The following UPP2 variants were observed in gnomAD, a reference collection of about 807,000 sequenced individuals.
UPP2 encodes the protein UPase 2.
Under a neutral mutation model 26.7 loss-of-function variants are expected in UPP2, and 23 were observed. The ratio of observed to expected loss-of-function variants is 0.86; its 90% CI spans 0.62 to 1.22. The LOEUF is 1.22. Ranked by LOEUF, UPP2 falls within the 50% of genes most tolerant of loss-of-function variation. The pLI is 0.00. For missense variants in UPP2, 387 were observed against 396.7 expected (o/e 0.98, Z 0.21); for synonymous variants, 127 against 141.3 (o/e 0.90, Z 0.72).
intron 2 of UPP2, among the ~76,000 whole-genome samples, chr2:158,108,663 G>C (rs1348276435): frequency 6.6e-6 from 1 of 151,878 alleles, no homozygotes; most frequent in Non-Finnish European, 1.5e-5. Flanking sequence ...ATAATCCCAG[G>C]AAACAGACCT....
At chr2:158,074,511 T>G (rs929252729) in intron 3 of UPP2, among the ~76,000 whole-genome samples, 3 of 152,146 alleles carry the variant, frequency 2.0e-5, no homozygotes, top group Non-Finnish European at 4.4e-5. Flanking sequence ...TAAGTTGACA[T>G]CACTTTAAAA....
At chr2:158,112,728 T>G (rs1210388073) in intron 2 of UPP2, among the ~76,000 whole-genome samples, 1 of 152,220 alleles carries the variant, frequency 6.6e-6, no homozygotes, top group Non-Finnish European at 1.5e-5. Flanking sequence ...GCATTTTGAA[T>G]GTATTTATAT....
chr2:158,076,971 G>A (rs982448408), intron 3 of UPP2, among the ~76,000 whole-genome samples: 3 of 152,060 alleles, frequency 2.0e-5, no homozygotes. Flanking sequence ...ATTCAGTAAA[G>A]TTGCAGGATA....
intron 2 of UPP2, among the ~76,000 whole-genome samples, chr2:158,004,743 C>CT (rs892263963): frequency 9.9e-5 from 15 of 152,134 alleles, no homozygotes; most frequent in African/African-American, 3.6e-4. Context: ...AATTTGGTAA[C>CT]TTTTTTTAAA....
rs372750747 is a variant in UPP2 at position 158,026,709 on chromosome 2, T to C, written c.147+10823T>C. 8.4e-4 allele frequency among the ~76,000 whole-genome samples: 128 copies of C among 152,280 alleles called. 5 individuals carry two copies. The South Asian group carries it at 0.02, about 24-fold the overall frequency. On this transcript the variant is annotated intron_variant, in intron 3 of 9. Transcript: ENST00000605860. ...CATGAGATGACCAGGTCATGTTTAA[T>C]ATAAAATATAACAGGCAAGCAGTCT... is the stretch of plus-strand genomic sequence containing the variant.
Position 158,114,357 on chromosome 2 carries a change from T to C in UPP2, c.181-744T>C, listed in dbSNP as rs1574300628. ...GTCCACCTCTCCCACTCCTGGTACC[T>C]GGGGCTAGGGTACCCCTAAACAGAC... On this transcript the variant is annotated intron_variant, in intron 2 of 6. Transcript: ENST00000005756. Among the ~76,000 whole-genome samples, 4 of 152,082 alleles carry C rather than the reference T, an allele frequency of 2.6e-5. No individual in the cohort carries two copies. In the South Asian group the frequency reaches 8.3e-4, roughly 31 times the overall value.
chr2:158,076,109 A>G (rs1682627136), intron 3 of UPP2, among the ~76,000 whole-genome samples: 1 of 151,924 alleles, frequency 6.6e-6, no homozygotes, highest in African/African-American at 2.4e-5. Context: ...TATACCACCT[A>G]ACAAGATTGA....
At chr2:158,025,913 C>T (rs1477295515) in intron 3 of UPP2, among the ~76,000 whole-genome samples, 2 of 152,146 alleles carry the variant, frequency 1.3e-5, no homozygotes, top group African/African-American at 2.4e-5. Flanking sequence ...GGAAAGTTGG[C>T]CTCACATCCT....
chr2:158,097,622 T>C (rs181638028), upstream of UPP2, among the ~76,000 whole-genome samples: 570 of 152,300 alleles, frequency 3.7e-3, 5 homozygotes, highest in African/African-American at 0.013. Context: ...TTTGCAAGGA[T>C]TAGGGGATGC....
chr2:158,121,275 A>C, intron 4 of UPP2, 134 bp from the exon 5 acceptor site: 1 of 801,340 alleles, frequency 1.2e-6, no homozygotes, highest in East Asian at 2.5e-5. Flanking sequence ...CATTTGGAAA[A>C]GAAAATAATT....
intron 2 of UPP2, among the ~76,000 whole-genome samples, chr2:158,014,591 G>GC (rs1228332856): frequency 6.6e-6 from 1 of 152,174 alleles, no homozygotes; most frequent in East Asian, 1.9e-4. Context: ...TTCTTTTGCT[G>GC]CGTGGCTATA....
intron 6 of UPP2, among the ~76,000 whole-genome samples, chr2:158,133,131 C>T (rs1428632771): frequency 6.6e-6 from 1 of 152,158 alleles, no homozygotes; most frequent in African/African-American, 2.4e-5. Flanking sequence ...TGTCCATCAA[C>T]AGATGAATAG....
At chr2:158,113,582 C>T (rs192648832) in intron 2 of UPP2, among the ~76,000 whole-genome samples, 11 of 152,262 alleles carry the variant, frequency 7.2e-5, no homozygotes, top group Admixed American at 7.2e-4. Context: ...GTTAATTACA[C>T]CCCTAATTGA....
At chr2:158,000,678 C>T (rs936962948) in intron 2 of UPP2, among the ~76,000 whole-genome samples, 1 of 152,202 alleles carries the variant, frequency 6.6e-6, no homozygotes, top group Non-Finnish European at 1.5e-5. Flanking sequence ...ATTTATTGGC[C>T]TGTTAGAGTC....
chr2:158,009,192 T>C (rs1014850823), intron 2 of UPP2, among the ~76,000 whole-genome samples: 7 of 152,234 alleles, frequency 4.6e-5, no homozygotes, highest in Non-Finnish European at 7.3e-5. Flanking sequence ...TGGCTAGATT[T>C]TTTCAGGAAA....
chr2:158,029,991 C>G (rs1463748982), intron 3 of UPP2, among the ~76,000 whole-genome samples: 1 of 151,928 alleles, frequency 6.6e-6, no homozygotes, highest in Non-Finnish European at 1.5e-5. Context: ...GTTTTGAAAA[C>G]ACAAAATAGC....
At chr2:158,121,749 A>C (rs1206996048) in intron 5 of UPP2, 131 bp downstream of exon 5, 1 of 807,256 alleles carries the variant, frequency 1.2e-6, no homozygotes, top group African/African-American at 1.7e-5. Flanking sequence ...GAAATGAAAC[A>C]GCCTTTTTTA....
chr2:158,047,353 C>T (rs1684170914), intron 3 of UPP2, among the ~76,000 whole-genome samples: 1 of 152,178 alleles, frequency 6.6e-6, no homozygotes, highest in South Asian at 2.1e-4. Flanking sequence ...CATGATGCCC[C>T]CAGGGGTGTT....
Position 158,134,941 on chromosome 2 carries a change from T to C in UPP2, c.*51T>C, listed in dbSNP as rs1229033583. On this transcript the variant is annotated 3_prime_UTR_variant, in exon 7 of 7. Transcript: ENST00000005756. ...TCCCCTGCAAGTTTGTAGCTCAAGT[T>C]GTAATGTGAAAGTCATATTTTATTT... is the stretch of plus-strand genomic sequence containing the variant. 5 of 1,542,330 alleles carry C rather than the reference T, an allele frequency of 3.2e-6. No individual in the cohort carries two copies. The highest frequency in any genetic ancestry group is 3.5e-6 in the Non-Finnish European group (4 of 1,142,886).
Sources: allele counts gnomAD v4.1 joint callset (sites outside exome capture counted in the v4.1 genomes callset), GRCh38; gene constraint gnomAD v4.1.1; transcripts MANE v1.5; gene names NCBI Gene and HGNC (gene_info 2026-07-23, HGNC 2026-07-21).